PLXNA4: variants seen among roughly 807,000 people sequenced by gnomAD.
The protein encoded by PLXNA4 is plexin A4.
Under a neutral mutation model 191.8 loss-of-function variants are expected in PLXNA4, and 44 were observed. The observed-to-expected ratio is 0.23, with a 90% CI of 0.18 to 0.29. The LOEUF (loss-of-function observed/expected upper bound fraction) is 0.29. Among genes scored for constraint, PLXNA4 ranks in the 10% least tolerant of loss-of-function variants. The probability of loss-of-function intolerance (pLI) is 1.00; values close to 1 mark genes in which losing one functional copy is unlikely to be tolerated. For synonymous variants in PLXNA4, 1,082 were observed against 1,009.5 expected (o/e 1.07, Z -1.36); for missense variants, 1,800 against 2,488.8 (o/e 0.72, Z 5.89).
At chr7:132,144,309 G>A (rs776073724) in intron 29 of PLXNA4, among the ~76,000 whole-genome samples, 5 of 152,144 alleles carry the variant, frequency 3.3e-5, no homozygotes, top group East Asian at 1.9e-4. Flanking sequence ...GCAAGCTTCC[G>A]TACTAAGTGC....
At chr7:132,177,418 C>T (rs1228497441) in intron 20 of PLXNA4, among the ~76,000 whole-genome samples, 1 of 152,222 alleles carries the variant, frequency 6.6e-6, no homozygotes, top group Admixed American at 6.5e-5. Context: ...GCCCTGTAAA[C>T]GTTCAGTGGC....
In PLXNA4 at chr7:132,203,253, A is replaced by T. The variant is rs1054255239; in HGVS notation, c.2395+70T>A. 9 of 1,413,678 alleles carry T rather than the reference A, an allele frequency of 6.4e-6. No homozygotes were observed. In the African/African-American group the frequency reaches 1.3e-4, roughly 20 times the overall value. 87.6% of individuals were successfully genotyped at this position (1,413,678 alleles called of 1,614,324 possible). On this transcript the variant is annotated intron_variant, in intron 11 of 31. Coordinates refer to ENST00000321063, the MANE Select transcript of PLXNA4 (RefSeq NM_020911.2). ...GGCAGAATGACTCCCGCGAGAATGC[A>T]GGACGGCTCCTTCCCTCTCTACCCC...
Position 132,123,679 on chromosome 7 carries a change from C to A in PLXNA4, c.*6800G>T, listed in dbSNP as rs1228868699. On this transcript the variant is annotated 3_prime_UTR_variant, in exon 32 of 32. Transcript: ENST00000321063. ...AAAGATATGCTTTGCTTTGTTCTAA[C>A]AAAGGGTCAATGTTCGAGGTGGGAG... The A allele has an allele frequency of 1.3e-5, 2 of 152,192 alleles. No individual in the cohort carries two copies. Among genetic ancestry groups the A allele is most frequent in the East Asian group, 3.9e-4 (2 of 5,176 alleles). The allele number at this position is 152,192 out of a possible 1,614,324, so 9.4% of individuals were successfully genotyped here.
intron 3 of PLXNA4, among the ~76,000 whole-genome samples, chr7:132,353,733 A>C (rs1803584049): frequency 6.6e-6 from 1 of 152,100 alleles, no homozygotes; most frequent in Admixed American, 6.6e-5. Context: ...ACTTGGTTCT[A>C]TGGTTGAGAG....
chr7:132,197,997 T>C (rs1319580236), intron 13 of PLXNA4, among the ~76,000 whole-genome samples: 1 of 152,150 alleles, frequency 6.6e-6, no homozygotes, highest in African/African-American at 2.4e-5. Flanking sequence ...CAAGGTCTTT[T>C]GCTGAATGAC....
At chr7:132,386,999 A>C (rs191024297) in intron 3 of PLXNA4, among the ~76,000 whole-genome samples, 1 of 152,218 alleles carries the variant, frequency 6.6e-6, no homozygotes, top group East Asian at 1.9e-4. Flanking sequence ...GAAGCTGCAA[A>C]ATACAAATGC....
chr7:132,316,485 G>A (rs1435932529), intron 3 of PLXNA4, among the ~76,000 whole-genome samples: 1 of 152,148 alleles, frequency 6.6e-6, no homozygotes, highest in East Asian at 1.9e-4. Flanking sequence ...AAACTTCCAG[G>A]CTAAGATTTT....
intron 1 of PLXNA4, among the ~76,000 whole-genome samples, chr7:132,562,638 CTCT>C (rs1801267486): frequency 8.3e-6 from 1 of 119,978 alleles, no homozygotes; most frequent in African/African-American, 3.6e-5. Context: ...CCTTCTCCTC[CTCT>C]TTCTCCTCCT....
At chr7:132,483,017 T>C (rs1797400057) in intron 3 of PLXNA4, among the ~76,000 whole-genome samples, 1 of 152,114 alleles carries the variant, frequency 6.6e-6, no homozygotes, top group Non-Finnish European at 1.5e-5. Context: ...AAAGTCACCA[T>C]GGATGCTTCT....
At chr7:132,266,361 G>A (rs1423434479) in intron 4 of PLXNA4, 1 of 152,162 alleles carries the variant, frequency 6.6e-6, no homozygotes, top group Non-Finnish European at 1.5e-5. Context: ...TAAACATCGT[G>A]CTAGGTAATG....
At chr7:132,237,749 A>G (rs1789594280) in intron 5 of PLXNA4, among the ~76,000 whole-genome samples, 1 of 152,226 alleles carries the variant, frequency 6.6e-6, no homozygotes, top group Admixed American at 6.5e-5. Context: ...CACTGTGAGA[A>G]GGTACCGTTC....
chr7:132,128,811 TCTC>T lies in PLXNA4; in HGVS notation c.*1665_*1667del, dbSNP rs1794849436. 1 of 152,178 alleles carries T rather than the reference TCTC, an allele frequency of 6.6e-6. No individual in the cohort carries two copies. Among genetic ancestry groups the T allele is most frequent in the South Asian group, 2.1e-4 (1 of 4,818 alleles). The allele number at this position is 152,178 out of a possible 1,614,324, so 9.4% of individuals were successfully genotyped here. A position where few individuals can be genotyped will look rare whatever the true frequency, so the allele number is the denominator to read the frequency against. On this transcript the variant is annotated 3_prime_UTR_variant, in exon 32 of 32. Coordinates refer to ENST00000321063, the MANE Select transcript of PLXNA4 (RefSeq NM_020911.2). Reference sequence around the variant, plus strand: ...GAGTGAAGGCAAGACTGTGAATCCTTCTCCTCAACCTCACCTAAGATGTTTCTC... The same window carrying T: ...GAGTGAAGGCAAGACTGTGAATCCTTCTCAACCTCACCTAAGATGTTTCTC...
chr7:132,385,499 G>A (rs915177370), intron 3 of PLXNA4, among the ~76,000 whole-genome samples: 1 of 152,156 alleles, frequency 6.6e-6, no homozygotes, highest in Non-Finnish European at 1.5e-5. Context: ...CCAAATCCTG[G>A]GTCAACCAAA....
chr7:132,412,835 G>A (rs1259442659), intron 3 of PLXNA4, among the ~76,000 whole-genome samples: 1 of 152,116 alleles, frequency 6.6e-6, no homozygotes, highest in African/African-American at 2.4e-5. Flanking sequence ...AGAAAACCAG[G>A]GCCTGGAGCA....
chr7:132,599,748 C>A (rs1291096937), intron 2 of PLXNA4, among the ~76,000 whole-genome samples: 1 of 151,888 alleles, frequency 6.6e-6, no homozygotes, highest in Non-Finnish European at 1.5e-5. Flanking sequence ...CTGATAACGG[C>A]CGTCTTATTC....
intron 3 of PLXNA4, among the ~76,000 whole-genome samples, chr7:132,460,967 T>C (rs1273049083): frequency 1.3e-5 from 2 of 151,834 alleles, no homozygotes; most frequent in Non-Finnish European, 2.9e-5. Flanking sequence ...ATAAAAAAGA[T>C]GAGGATAATC....
intron 9 of PLXNA4, among the ~76,000 whole-genome samples, chr7:132,223,017 C>A (rs568674151): frequency 2.0e-4 from 30 of 152,322 alleles, no homozygotes; most frequent in Admixed American, 7.8e-4. Flanking sequence ...TCAGCTGATG[C>A]AGATTCTGCT....
chr7:132,564,602 C>T (rs1801627982), intron 1 of PLXNA4, among the ~76,000 whole-genome samples: 1 of 152,188 alleles, frequency 6.6e-6, no homozygotes. Context: ...GTAGGTCTTT[C>T]ATCTCCACAC....
chr7:132,568,627 T>C (rs1372642405), intron 1 of PLXNA4, among the ~76,000 whole-genome samples: 4 of 152,212 alleles, frequency 2.6e-5, no homozygotes, highest in Non-Finnish European at 5.9e-5. Context: ...ATCCTTGTTA[T>C]CATTGCCACT....
Sources: allele counts gnomAD v4.1 joint callset (sites outside exome capture counted in the v4.1 genomes callset), GRCh38; gene constraint gnomAD v4.1.1; transcripts MANE v1.5; gene names NCBI Gene and HGNC (gene_info 2026-07-23, HGNC 2026-07-21).